The following ANXA4 variants were observed in gnomAD, a reference collection of about 807,000 sequenced individuals.
The protein encoded by ANXA4 is 35-beta calcimedin.
Under a neutral mutation model 49.8 loss-of-function variants are expected in ANXA4, and 39 were observed. The observed-to-expected ratio is 0.78, with a 90% CI of 0.61 to 1.02. The LOEUF (loss-of-function observed/expected upper bound fraction) is 1.02. Among genes scored for constraint, ANXA4 ranks in the 50% least tolerant of loss-of-function variants. The pLI is 0.00. For missense variants in ANXA4, 360 were observed against 410.1 expected, an observed-to-expected ratio of 0.88 and a Z score of 1.05; for synonymous variants, 134 against 152.5, an observed-to-expected ratio of 0.88 and a Z score of 0.89.
At chr2:69,671,467 A>C (rs1677185762) in intron 2 of ANXA4, among the ~76,000 whole-genome samples, 1 of 152,258 alleles carries the variant, frequency 6.6e-6, no homozygotes. Context: ...CCATAATCCC[A>C]GCACTTTGGG....
intron 1 of ANXA4, among the ~76,000 whole-genome samples, chr2:69,774,170 C>T (rs1419160495): frequency 3.9e-5 from 6 of 152,056 alleles, no homozygotes; most frequent in Non-Finnish European, 8.8e-5. Flanking sequence ...TAAGACTAGT[C>T]CGTGACTCTC....
At chr2:69,692,207 A>C (rs946124483) in intron 2 of ANXA4, among the ~76,000 whole-genome samples, 5 of 152,210 alleles carry the variant, frequency 3.3e-5, no homozygotes, top group Admixed American at 1.3e-4. Flanking sequence ...TTTTAAAGAA[A>C]ATTTCAGAAG....
intron 1 of ANXA4, among the ~76,000 whole-genome samples, chr2:69,778,642 G>A (rs1008573951): frequency 4.6e-5 from 7 of 152,132 alleles, no homozygotes; most frequent in Non-Finnish European, 7.3e-5. Context: ...AGGCATGGCG[G>A]CACATGCTTG....
intron 2 of ANXA4, among the ~76,000 whole-genome samples, chr2:69,693,321 G>A (rs943022742): frequency 6.6e-6 from 1 of 152,120 alleles, no homozygotes; most frequent in South Asian, 2.1e-4. Flanking sequence ...GTGGATGGAA[G>A]GGGAGAAGGG....
intron 2 of ANXA4, among the ~76,000 whole-genome samples, chr2:69,707,641 G>A (rs761728809): frequency 2.8e-4 from 43 of 152,322 alleles, no homozygotes; most frequent in Middle Eastern, 3.4e-3. Flanking sequence ...GGGTACATGA[G>A]ATGTTTTGAT....
At chr2:69,822,583 C>T (rs56223710) in intron 12 of ANXA4, among the ~76,000 whole-genome samples, 34,484 of 151,860 alleles carry the variant, frequency 0.23, 4,273 homozygotes, top group East Asian at 0.4. Context: ...TTCAATGGTA[C>T]GCTGTCATGA....
intron 1 of ANXA4, among the ~76,000 whole-genome samples, chr2:69,776,390 A>G (rs1051244560): frequency 3.3e-5 from 5 of 152,202 alleles, no homozygotes; most frequent in African/African-American, 1.2e-4. Flanking sequence ...CCCAAACCAC[A>G]TATTTCTGCA....
intron 3 of ANXA4, among the ~76,000 whole-genome samples, chr2:69,726,571 A>G (rs1022724676): frequency 1.3e-5 from 2 of 152,240 alleles, no homozygotes; most frequent in Admixed American, 6.5e-5. Context: ...ACACAGCTCA[A>G]TGAATTTGCC....
chr2:69,788,303 G>C (rs938687438), intron 3 of ANXA4, among the ~76,000 whole-genome samples, 162 bp downstream of exon 3: 1 of 152,222 alleles, frequency 6.6e-6, no homozygotes, highest in African/African-American at 2.4e-5. Flanking sequence ...ACTTTGGGAG[G>C]CTGAGGTGGG....
intron 2 of ANXA4, among the ~76,000 whole-genome samples, chr2:69,672,764 G>A (rs1677236983): frequency 6.6e-6 from 1 of 152,122 alleles, no homozygotes; most frequent in Admixed American, 6.6e-5. Context: ...TTCATAAACA[G>A]TTTCAACAGT....
chr2:69,739,572 A>ATT (rs748559398), upstream of ANXA4, among the ~76,000 whole-genome samples: 16 of 140,672 alleles, frequency 1.1e-4, no homozygotes, highest in Non-Finnish European at 2.3e-4. Flanking sequence ...GGCTTGGCTA[A>ATT]TTTTTTTTTT....
chr2:69,825,599 C>T lies in ANXA4; in HGVS notation c.*84C>T. The T allele has an allele frequency of 2.0e-6, 2 of 1,016,818 alleles. No homozygotes were observed. Among genetic ancestry groups the T allele is most frequent in the South Asian group, 2.9e-5 (2 of 67,992 alleles). The allele number at this position is 1,016,818 out of a possible 1,614,324, so 63.0% of individuals were successfully genotyped here. The stretch of plus-strand genomic sequence containing the variant: ...TTTTCTACACTGCTATTATCATTAT[C>T]TCAGAATGCTTATTTCCAATTAAAA... On this transcript the variant is annotated 3_prime_UTR_variant, in exon 13 of 13. Transcript: ENST00000394295.
At chr2:69,648,524 A>G (rs982371564) in intron 1 of ANXA4, among the ~76,000 whole-genome samples, 1 of 152,146 alleles carries the variant, frequency 6.6e-6, no homozygotes, top group African/African-American at 2.4e-5. Context: ...TGTCCTTTTT[A>G]AAAAAATGAC....
At chr2:69,649,924 A>ATTT (rs35212855) in intron 1 of ANXA4, among the ~76,000 whole-genome samples, 12 of 52,038 alleles carry the variant, frequency 2.3e-4, no homozygotes, top group Admixed American at 5.9e-4. Flanking sequence ...GCCTGGCCTG[A>ATTT]TTTTTTTTTT....
chr2:69,672,908 A>T (rs1197052228), intron 2 of ANXA4, among the ~76,000 whole-genome samples: 2 of 150,620 alleles, frequency 1.3e-5, no homozygotes, highest in Admixed American at 6.6e-5. Context: ...ATAACATATA[A>T]AAAAAAAAGC....
intron 2 of ANXA4, among the ~76,000 whole-genome samples, chr2:69,718,980 C>CTT (rs796398605): frequency 6.3e-5 from 9 of 143,886 alleles, no homozygotes; most frequent in Non-Finnish European, 6.1e-5. Flanking sequence ...AGCTACCCTC[C>CTT]TTTTTTTTTT....
At chr2:69,812,173 G>C (rs567863279) in intron 7 of ANXA4, among the ~76,000 whole-genome samples, 1 of 149,132 alleles carries the variant, frequency 6.7e-6, no homozygotes, top group African/African-American at 2.5e-5. Context: ...TCCCAGGCCA[G>C]CTCTTCACAG....
chr2:69,684,474 T>G (rs866282303), intron 2 of ANXA4, among the ~76,000 whole-genome samples: 65 of 152,172 alleles, frequency 4.3e-4, no homozygotes, highest in African/African-American at 1.5e-3. Context: ...CAGTGGCTCA[T>G]GCCTATAAGA....
chr2:69,665,693 A>G (rs1676907095), intron 2 of ANXA4, among the ~76,000 whole-genome samples: 1 of 152,196 alleles, frequency 6.6e-6, no homozygotes, highest in Admixed American at 6.6e-5. Flanking sequence ...CTGATACTGT[A>G]GCTGAATCCA....
Sources: allele counts gnomAD v4.1 joint callset (sites outside exome capture counted in the v4.1 genomes callset), GRCh38; gene constraint gnomAD v4.1.1; transcripts MANE v1.5; gene names NCBI Gene and HGNC (gene_info 2026-07-23, HGNC 2026-07-21).